The following SOCS5 variants were observed in gnomAD, a reference collection of about 807,000 sequenced individuals.
The protein encoded by SOCS5 is CIS-6.
SOCS5 carries 32 observed loss-of-function variants against 42.8 expected under a neutral mutation model. The ratio of observed to expected loss-of-function variants is 0.75; its 90% CI spans 0.56 to 1.01. The LOEUF is 1.01. SOCS5 is among the 50% of genes least tolerant of loss of function. The pLI is 0.00. For synonymous variants in SOCS5, 283 were observed against 229.6 expected (o/e 1.23, Z -2.10); for missense variants, 627 against 653.0 (o/e 0.96, Z 0.43).
At chr2:46,733,863 T>C (rs917696386) in intron 1 of SOCS5, among the ~76,000 whole-genome samples, 3 of 152,204 alleles carry the variant, frequency 2.0e-5, no homozygotes, top group African/African-American at 7.2e-5. Flanking sequence ...CCAAGAGTAA[T>C]TGAAAGCAGG....
At chr2:46,728,207 A>G (rs567721731) in intron 1 of SOCS5, among the ~76,000 whole-genome samples, 2 of 152,282 alleles carry the variant, frequency 1.3e-5, no homozygotes, top group South Asian at 2.1e-4. Context: ...CCATGCTACC[A>G]TTGAATTTTG....
intron 1 of SOCS5, among the ~76,000 whole-genome samples, chr2:46,747,232 T>C (rs1403640883): frequency 6.6e-6 from 1 of 152,152 alleles, no homozygotes; most frequent in Non-Finnish European, 1.5e-5. Flanking sequence ...GTCTCTTACT[T>C]TTTTTTGAGA....
chr2:46,729,766 A>G (rs1334589395), intron 1 of SOCS5, among the ~76,000 whole-genome samples: 1 of 152,192 alleles, frequency 6.6e-6, no homozygotes, highest in Non-Finnish European at 1.5e-5. Context: ...AGTCTACACT[A>G]AATTTACTTA....
At chr2:46,705,791 G>A (rs1008840074) in intron 1 of SOCS5, among the ~76,000 whole-genome samples, 1 of 152,114 alleles carries the variant, frequency 6.6e-6, no homozygotes, top group Admixed American at 6.5e-5. Flanking sequence ...TTTAAAAGAC[G>A]GACTGGCAGT....
chr2:46,759,427 G>A lies in SOCS5; in HGVS notation c.897G>A (p.Leu299=). 3.7e-6 allele frequency: 6 copies of A among 1,613,916 alleles called. No individual in the cohort carries two copies. The South Asian group carries it at 6.6e-5, about 18-fold the overall frequency. ...ATAQVNPLYK[L]GPKLAPGMTE... Reference sequence around the variant, plus strand: ...CACAGGTTAATCCATTATATAAACTGGGACCAAAATTAGCTCCTGGAATGA... The same window carrying A: ...CACAGGTTAATCCATTATATAAACTAGGACCAAAATTAGCTCCTGGAATGA... The change falls in exon 2 of 2, where the codon CTG becomes CTA. Residue 299 remains leucine (L), a synonymous_variant. Transcript: ENST00000394861.
At chr2:46,707,513 T>C (rs112884570) in intron 1 of SOCS5, among the ~76,000 whole-genome samples, 14 of 152,232 alleles carry the variant, frequency 9.2e-5, no homozygotes, top group African/African-American at 3.4e-4. Flanking sequence ...AGGAGGAAGA[T>C]GCTATTTGAT....
intron 1 of SOCS5, among the ~76,000 whole-genome samples, chr2:46,750,124 G>C (rs113158703): frequency 0.015 from 2,354 of 152,184 alleles, 64 homozygotes; most frequent in African/African-American, 0.054. Context: ...TTCTTAAATG[G>C]TAATGCTGGA....
intron 1 of SOCS5, among the ~76,000 whole-genome samples, chr2:46,756,507 G>A (rs1673734362): frequency 6.6e-6 from 1 of 152,172 alleles, no homozygotes; most frequent in Admixed American, 6.5e-5. Flanking sequence ...GCTTTGGTTT[G>A]CTGGCCCTTG....
At chr2:46,718,738 G>A (rs1672809544) in intron 1 of SOCS5, among the ~76,000 whole-genome samples, 1 of 152,142 alleles carries the variant, frequency 6.6e-6, no homozygotes, top group African/African-American at 2.4e-5. Flanking sequence ...TAAGAAATAA[G>A]ATTACAGAAA....
intron 1 of SOCS5, among the ~76,000 whole-genome samples, chr2:46,724,922 C>T (rs1672960131): frequency 6.6e-6 from 1 of 151,590 alleles, no homozygotes. Flanking sequence ...ATATTTTTGT[C>T]TATTAGATTT....
At chr2:46,712,316 T>C (rs1404250504) in intron 1 of SOCS5, among the ~76,000 whole-genome samples, 12 of 146,934 alleles carry the variant, frequency 8.2e-5, no homozygotes, top group South Asian at 4.3e-4. Context: ...CTTTTTTTTT[T>C]CCCACAAGTG....
At chr2:46,708,850 G>C (rs1274067251) in intron 1 of SOCS5, among the ~76,000 whole-genome samples, 1 of 148,744 alleles carries the variant, frequency 6.7e-6, no homozygotes, top group African/African-American at 2.5e-5. Flanking sequence ...CTGGTGAAGT[G>C]GTCTCTGAAC....
At chr2:46,735,447 G>A (rs1673222078) in intron 1 of SOCS5, among the ~76,000 whole-genome samples, 1 of 152,064 alleles carries the variant, frequency 6.6e-6, no homozygotes, top group African/African-American at 2.4e-5. Context: ...TATTATTATG[G>A]AAGAAAAGAG....
intron 1 of SOCS5, among the ~76,000 whole-genome samples, chr2:46,728,967 A>T (rs1190520758): frequency 6.6e-6 from 1 of 152,174 alleles, no homozygotes; most frequent in Non-Finnish European, 1.5e-5. Flanking sequence ...AACTTGTTAG[A>T]CACACAAAAT....
At chr2:46,744,661 G>T (rs151109366) in intron 1 of SOCS5, among the ~76,000 whole-genome samples, 1,772 of 151,768 alleles carry the variant, frequency 0.012, 40 homozygotes, top group African/African-American at 0.041. Flanking sequence ...CTGAGTAGCT[G>T]GGATTACAGG....
intron 1 of SOCS5, among the ~76,000 whole-genome samples, chr2:46,756,790 A>G (rs1209190905): frequency 1.3e-5 from 2 of 152,240 alleles, no homozygotes; most frequent in Non-Finnish European, 2.9e-5. Flanking sequence ...ATTCGACTGT[A>G]TTAACAGGAC....
chr2:46,722,988 T>C (rs1313876921), intron 1 of SOCS5, among the ~76,000 whole-genome samples: 1 of 152,098 alleles, frequency 6.6e-6, no homozygotes, highest in African/African-American at 2.4e-5. Context: ...CTTTTGCCCA[T>C]TTTTAATGGC....
At chr2:46,742,154 C>T (rs2103742435) in intron 1 of SOCS5, among the ~76,000 whole-genome samples, 1 of 152,236 alleles carries the variant, frequency 6.6e-6, no homozygotes, top group Non-Finnish European at 1.5e-5. Flanking sequence ...CAAGAATGAC[C>T]TTTATTGGCC....
chr2:46,702,109 C>T (rs1672358925), intron 1 of SOCS5, among the ~76,000 whole-genome samples: 2 of 151,940 alleles, frequency 1.3e-5, no homozygotes, highest in Non-Finnish European at 2.9e-5. Context: ...GTTAAAAGTA[C>T]CTACCTCACA....
Sources: gnomAD v4.1 joint callset for allele counts (sites outside exome capture counted in the v4.1 genomes callset) on GRCh38, gnomAD v4.1.1 for gene constraint, MANE v1.5 for transcripts, NCBI Gene and HGNC (gene_info 2026-07-23, HGNC 2026-07-21) for gene names.